GRB14: variants seen among roughly 807,000 people sequenced by gnomAD.
The protein encoded by GRB14 is growth factor receptor-bound protein 14.
Under a neutral mutation model 69.1 loss-of-function variants are expected in GRB14, and 38 were observed. The observed-to-expected ratio is 0.55, with a 90% CI of 0.42 to 0.72. GRB14 has a LOEUF of 0.72. Ranked by LOEUF, GRB14 falls within the 30% of genes least tolerant of loss-of-function variation. The pLI is 0.00. For missense variants in GRB14, 666 were observed against 666.1 expected (o/e 1.00, Z 0.00); for synonymous variants, 247 against 241.3 (o/e 1.02, Z -0.22).
At chr2:164,539,710 C>G (rs954105300) in intron 3 of GRB14, 1 of 152,142 alleles carries the variant, frequency 6.6e-6, no homozygotes, top group Admixed American at 6.5e-5. Context: ...TAAAAGTGAG[C>G]TAAAGTGCAG....
chr2:164,498,100 TCTTA>T (rs1343771437), intron 9 of GRB14, among the ~76,000 whole-genome samples: 1 of 152,158 alleles, frequency 6.6e-6, no homozygotes, highest in African/African-American at 2.4e-5. Context: ...TCAACTTTCA[TCTTA>T]CTTAGAAAAT....
chr2:164,494,653 G>GT, intron 12 of GRB14, 129 bp from the exon 13 acceptor site: 1 of 689,630 alleles, frequency 1.5e-6, no homozygotes, highest in Non-Finnish European at 2.6e-6. Flanking sequence ...TATTCAATGG[G>GT]TGGGATTATC....
chr2:164,528,764 G>A (rs1174671138), intron 3 of GRB14, among the ~76,000 whole-genome samples: 3 of 152,064 alleles, frequency 2.0e-5, no homozygotes, highest in Non-Finnish European at 4.4e-5. Context: ...TTTCTGAAGT[G>A]AAATCTCTGG....
chr2:164,547,944 T>C, intron 2 of GRB14, 128 bp from the exon 3 acceptor site: 1 of 585,986 alleles, frequency 1.7e-6, no homozygotes. Flanking sequence ...GCAAAATGGT[T>C]ATATAGTAAA....
chr2:164,610,256 G>C (rs930902210), intron 2 of GRB14, among the ~76,000 whole-genome samples: 1 of 152,112 alleles, frequency 6.6e-6, no homozygotes, highest in African/African-American at 2.4e-5. Context: ...CTTGCTCTGA[G>C]AGACTCATAC....
intron 8 of GRB14, among the ~76,000 whole-genome samples, chr2:164,505,679 T>C (rs1351379458): frequency 6.6e-6 from 1 of 152,188 alleles, no homozygotes; most frequent in African/African-American, 2.4e-5. Flanking sequence ...TATATGTGTA[T>C]GTGTAAAATA....
chr2:164,588,859 A>T (rs1421192470), intron 2 of GRB14, among the ~76,000 whole-genome samples: 1 of 152,254 alleles, frequency 6.6e-6, no homozygotes, highest in East Asian at 1.9e-4. Flanking sequence ...AATCAATGCA[A>T]TAGTTTTAAA....
At chr2:164,525,553 T>C (rs1687749371) in intron 4 of GRB14, among the ~76,000 whole-genome samples, 1 of 152,048 alleles carries the variant, frequency 6.6e-6, no homozygotes, top group African/African-American at 2.4e-5. Context: ...CTACCTACCA[T>C]TTTTCCAAAC....
intron 2 of GRB14, among the ~76,000 whole-genome samples, chr2:164,594,160 G>A (rs77671618): frequency 1.3e-5 from 2 of 151,272 alleles, no homozygotes; most frequent in Non-Finnish European, 2.9e-5. Flanking sequence ...AAAAAAAAAA[G>A]TCTATCTTGT....
At chr2:164,572,378 C>A (rs1407469108) in intron 2 of GRB14, among the ~76,000 whole-genome samples, 1 of 152,182 alleles carries the variant, frequency 6.6e-6, no homozygotes, top group Non-Finnish European at 1.5e-5. Context: ...TTAAGCCCCA[C>A]AATGAAGGCC....
intron 2 of GRB14, among the ~76,000 whole-genome samples, chr2:164,548,152 C>A (rs1688434143): frequency 6.6e-6 from 1 of 152,196 alleles, no homozygotes; most frequent in African/African-American, 2.4e-5. Flanking sequence ...TACATCTCCT[C>A]ATTTCCCTCC....
At chr2:164,579,258 C>T (rs776887828) in intron 2 of GRB14, among the ~76,000 whole-genome samples, 7 of 152,074 alleles carry the variant, frequency 4.6e-5, no homozygotes, top group Non-Finnish European at 1.0e-4. Context: ...CATTTCTGGT[C>T]ATAAAAACAT....
Position 164,621,281 on chromosome 2 carries a change from C to A in GRB14, c.29G>T (p.Ser10Ile). The change falls in exon 1 of 14, where the codon AGC (serine) becomes ATC (isoleucine). Residue 10 changes from serine to isoleucine, a missense_variant. Coordinates refer to ENST00000263915, the MANE Select transcript of GRB14 (RefSeq NM_004490.3). The surrounding 1 kb of genome is among the most constrained non-coding windows in gnomAD (Gnocchi z 6.0). MTTSLQDGQ[S>I]AASRAAARDS... is the part of the protein sequence containing the mutation. The stretch of plus-strand genomic sequence containing the variant: ...CCGGGCAGCCGCCCTGCTCGCGGCG[C>A]TCTGCCCATCTTGCAGGGAAGTGGT... 7.8e-7 allele frequency: 1 copy of A among 1,285,592 alleles called. No individual in the cohort carries two copies. Among genetic ancestry groups the A allele is most frequent in the Non-Finnish European group, 9.8e-7 (1 of 1,015,934 alleles). The allele number at this position is 1,285,592 out of a possible 1,614,324, so 79.6% of individuals were successfully genotyped here.
At chr2:164,507,762 A>ATT (rs1687230812) in intron 8 of GRB14, among the ~76,000 whole-genome samples, 2 of 152,086 alleles carry the variant, frequency 1.3e-5, no homozygotes, top group African/African-American at 2.4e-5. Context: ...ATAGTTGATA[A>ATT]GTATACAGTT....
At chr2:164,572,293 C>T (rs1689141325) in intron 2 of GRB14, among the ~76,000 whole-genome samples, 1 of 152,158 alleles carries the variant, frequency 6.6e-6, no homozygotes, top group Non-Finnish European at 1.5e-5. Context: ...ATCTCTTCTC[C>T]CACTCAACTT....
At chr2:164,547,325 T>C (rs1688405572) in intron 3 of GRB14, among the ~76,000 whole-genome samples, 1 of 152,102 alleles carries the variant, frequency 6.6e-6, no homozygotes, top group African/African-American at 2.4e-5. Context: ...TAAAATCAAT[T>C]CAGATATTTA....
At chr2:164,562,819 C>T (rs1688866006) in intron 2 of GRB14, among the ~76,000 whole-genome samples, 1 of 152,158 alleles carries the variant, frequency 6.6e-6, no homozygotes, top group Non-Finnish European at 1.5e-5. Flanking sequence ...AGTGATGAAG[C>T]TGAACTCAAA....
chr2:164,585,424 T>C (rs1177435864), intron 2 of GRB14, among the ~76,000 whole-genome samples: 1 of 152,186 alleles, frequency 6.6e-6, no homozygotes, highest in Non-Finnish European at 1.5e-5. Context: ...TTTTCATTTT[T>C]CTTTATATAA....
intron 2 of GRB14, among the ~76,000 whole-genome samples, chr2:164,618,305 A>T (rs771630984): frequency 6.6e-6 from 1 of 151,324 alleles, no homozygotes; most frequent in Non-Finnish European, 1.5e-5. Flanking sequence ...CATGGCACAC[A>T]GTCAAATCTA....
Sources: gnomAD v4.1 joint callset for allele counts (sites outside exome capture counted in the v4.1 genomes callset) on GRCh38, gnomAD v4.1.1 for gene constraint, Gnocchi (gnomAD v3.1) non-coding constraint, MANE v1.5 for transcripts, NCBI Gene and HGNC (gene_info 2026-07-23, HGNC 2026-07-21) for gene names.